WWC1: variants seen among roughly 807,000 people sequenced by gnomAD.
WWC1 encodes protein KIBRA.
WWC1 carries 55 observed loss-of-function variants against 138.4 expected under a neutral mutation model. That is an observed-to-expected ratio of 0.40 (90% CI 0.32 to 0.50). The LOEUF (loss-of-function observed/expected upper bound fraction) is 0.50, where lower values mean the gene tolerates loss of function less well. WWC1 is among the 20% of genes least tolerant of loss of function. The probability of loss-of-function intolerance (pLI) is 0.72; values close to 1 mark genes in which losing one functional copy is unlikely to be tolerated. For synonymous variants in WWC1, 524 were observed against 564.9 expected, an observed-to-expected ratio of 0.93 and a Z score of 1.03; for missense variants, 1,226 against 1,420.4, an observed-to-expected ratio of 0.86 and a Z score of 2.20.
chr5:168,401,029 A>G (rs1039165519), intron 5 of WWC1, among the ~76,000 whole-genome samples: 2 of 151,822 alleles, frequency 1.3e-5, no homozygotes, highest in Admixed American at 6.6e-5. Flanking sequence ...AGAGGAAGAA[A>G]GAGAAGGAGA....
At chr5:168,454,287 C>G (rs1017975806) in intron 18 of WWC1, among the ~76,000 whole-genome samples, 187 bp downstream of exon 18, 1 of 152,196 alleles carries the variant, frequency 6.6e-6, no homozygotes, top group African/African-American at 2.4e-5. Context: ...TCACCCATCT[C>G]TTTTCTTCTG....
intron 1 of WWC1, among the ~76,000 whole-genome samples, chr5:168,294,947 T>A (rs915526256): frequency 2.0e-5 from 3 of 152,134 alleles, no homozygotes; most frequent in African/African-American, 7.2e-5. Context: ...GTTTATAAAC[T>A]TCATCTCTGT....
intron 1 of WWC1, among the ~76,000 whole-genome samples, chr5:168,305,152 G>A (rs916965402): frequency 5.5e-4 from 79 of 143,668 alleles, no homozygotes; most frequent in African/African-American, 2.0e-3. Flanking sequence ...TTTTTTAGTA[G>A]AGATGGAGTT....
chr5:168,324,760 A>C (rs1423711792), intron 1 of WWC1, among the ~76,000 whole-genome samples: 20 of 152,200 alleles, frequency 1.3e-4, no homozygotes, highest in Admixed American at 1.3e-3. Flanking sequence ...AAAGAACAAG[A>C]CTCAAGTATA....
Position 168,292,678 on chromosome 5 carries a change from T to C in WWC1, c.119+407T>C, listed in dbSNP as rs1160873470. ...GGAGGCTTCCACCCAGCGTGGGGGG[T>C]GGGCGGATGGGGATGGGGAAGTGTC... On this transcript the variant is annotated intron_variant, in intron 1 of 22. Coordinates refer to ENST00000265293, the MANE Select transcript of WWC1 (RefSeq NM_015238.3). This position sits in a 1 kb window ranked among gnomAD's most constrained non-coding sequence, Gnocchi z 4.4. 1.5e-5 allele frequency among the ~76,000 whole-genome samples: 2 copies of C among 131,256 alleles called. No homozygotes were observed. Among genetic ancestry groups the C allele is most frequent in the African/African-American group, 5.7e-5 (2 of 34,964 alleles). 86.1% of individuals were successfully genotyped at this position (131,256 alleles called of 152,430 possible).
At chr5:168,458,885 G>A (rs1756561083) in intron 19 of WWC1, among the ~76,000 whole-genome samples, 1 of 152,094 alleles carries the variant, frequency 6.6e-6, no homozygotes, top group African/African-American at 2.4e-5. Context: ...TACAACTTAA[G>A]GATCAATTAT....
At chr5:168,409,874 AC>A in intron 7 of WWC1, 47 bp from the exon 8 acceptor site, 1 of 1,604,216 alleles carries the variant, frequency 6.2e-7, no homozygotes, top group Non-Finnish European at 8.5e-7. Context: ...CCAACTCAGC[AC>A]CGGCCACAAC....
intron 4 of WWC1, 59 bp downstream of exon 4, chr5:168,397,859 A>C: frequency 6.3e-7 from 1 of 1,584,268 alleles, no homozygotes; most frequent in Non-Finnish European, 8.7e-7. Context: ...GTCTTAGGCC[A>C]CAAGCCCACC....
At chr5:168,365,223 G>A (rs996891970) in intron 1 of WWC1, among the ~76,000 whole-genome samples, 1 of 152,180 alleles carries the variant, frequency 6.6e-6, no homozygotes, top group African/African-American at 2.4e-5. Flanking sequence ...AACAGCCCAG[G>A]GCGGGAAGAA....
intron 3 of WWC1, among the ~76,000 whole-genome samples, chr5:168,386,266 T>G (rs1035283932): frequency 1.3e-5 from 2 of 151,980 alleles, no homozygotes; most frequent in African/African-American, 4.8e-5. Context: ...TACATCTGCT[T>G]GTATGTTATC....
At chr5:168,339,569 C>T (rs1161876628) in intron 1 of WWC1, among the ~76,000 whole-genome samples, 2 of 152,060 alleles carry the variant, frequency 1.3e-5, no homozygotes, top group Non-Finnish European at 2.9e-5. Flanking sequence ...AGTTACTTAC[C>T]CTCTGTAAGC....
rs149869064 is a variant in WWC1 at position 168,385,242 on chromosome 5, A to T, written c.261A>T (p.Gln87His). The change falls in exon 3 of 23, where the codon CAA becomes CAT. Residue 87 changes from glutamine to histidine, a missense_variant. By Grantham distance (24) the Gln-to-His change is conservative. Transcript: ENST00000265293. ...CTCAGATTGAGGATCCTCGAGTACA[A>T]TGGCGGCGGGAGCAGGAACATATGC... ...KTTQIEDPRV[Q>H]WRREQEHMLK... 6.2e-7 allele frequency: 1 copy of T among 1,614,002 alleles called. No homozygotes were observed. The highest frequency in any genetic ancestry group is 1.1e-5 in the South Asian group (1 of 91,076).
At chr5:168,339,456 T>A (rs1455823714) in intron 1 of WWC1, among the ~76,000 whole-genome samples, 7 of 152,174 alleles carry the variant, frequency 4.6e-5, no homozygotes, top group Non-Finnish European at 8.8e-5. Context: ...TGACTTCAAA[T>A]CAAGGGATCT....
intron 1 of WWC1, among the ~76,000 whole-genome samples, chr5:168,368,221 G>C (rs1776478103): frequency 6.6e-6 from 1 of 151,484 alleles, no homozygotes; most frequent in Admixed American, 6.6e-5. Context: ...CTCCCAAGTA[G>C]CTGGGATTAC....
intron 1 of WWC1, among the ~76,000 whole-genome samples, chr5:168,314,739 G>A (rs1053044099): frequency 6.6e-6 from 1 of 152,182 alleles, no homozygotes; most frequent in South Asian, 2.1e-4. Flanking sequence ...GGCTCCAGGT[G>A]TGGGACTGGG....
At chr5:168,452,678 A>G (rs574468744) in intron 17 of WWC1, among the ~76,000 whole-genome samples, 3 of 152,354 alleles carry the variant, frequency 2.0e-5, no homozygotes, top group African/African-American at 7.2e-5. Flanking sequence ...AGACTTGTAC[A>G]TGAATGTACA....
At chr5:168,380,139 G>A (rs1037074282) in intron 2 of WWC1, among the ~76,000 whole-genome samples, 12 of 152,134 alleles carry the variant, frequency 7.9e-5, no homozygotes, top group African/African-American at 2.7e-4. Flanking sequence ...ATGTAAAGAC[G>A]TCCTACAACT....
intron 3 of WWC1, among the ~76,000 whole-genome samples, chr5:168,387,034 A>G (rs1156415840): frequency 2.0e-5 from 3 of 152,208 alleles, no homozygotes; most frequent in Admixed American, 1.3e-4. Context: ...TGAATATGCT[A>G]TTTCTGTTAA....
At chr5:168,306,542 C>T (rs1770581321) in intron 1 of WWC1, among the ~76,000 whole-genome samples, 1 of 152,182 alleles carries the variant, frequency 6.6e-6, no homozygotes, top group African/African-American at 2.4e-5. Flanking sequence ...TGAAAATCTT[C>T]AACTCCCACT....
Sources: gnomAD v4.1 joint callset for allele counts (sites outside exome capture counted in the v4.1 genomes callset) on GRCh38, gnomAD v4.1.1 for gene constraint, Gnocchi (gnomAD v3.1) non-coding constraint, MANE v1.5 for transcripts, NCBI Gene and HGNC (gene_info 2026-07-23, HGNC 2026-07-21) for gene names.